Variants in CDK8 observed in about 807,000 individuals in gnomAD.
The protein encoded by CDK8 is cyclin-dependent kinase 8.
CDK8 carries 29 observed loss-of-function variants against 71.5 expected under a neutral mutation model. The observed-to-expected ratio is 0.41, with a 90% CI of 0.30 to 0.55. The LOEUF (loss-of-function observed/expected upper bound fraction) is 0.55. Among genes scored for constraint, CDK8 ranks in the 20% least tolerant of loss-of-function variants. The pLI is 0.37. For missense variants in CDK8, 288 were observed against 572.6 expected (o/e 0.50, Z 5.07); for synonymous variants, 161 against 192.1 (o/e 0.84, Z 1.34).
intron 1 of CDK8, among the ~76,000 whole-genome samples, chr13:26,290,115 C>T (rs1280936214): frequency 6.6e-6 from 1 of 151,982 alleles, no homozygotes; most frequent in East Asian, 1.9e-4. Context: ...TAAACTAGAT[C>T]CAGGAAGTTG....
At position 26,389,916 on chromosome 13, in the gene CDK8, T is replaced by G. The variant is rs551259076; in HGVS notation, c.647-3451T>G. ...AGGAAGCTGAGGCAGGAGAATTGCT[T>G]GAACCTGAGAGGCGGAGGTTGCAGT... On this transcript the variant is annotated intron_variant, in intron 6 of 12. Transcript: ENST00000381527. 4.9e-4 allele frequency among the ~76,000 whole-genome samples: 74 copies of G among 152,238 alleles called. 1 individual carries two copies. The highest frequency in any genetic ancestry group is 1.8e-3 in the African/African-American group (73 of 41,554).
rs1301361228 is a variant in CDK8 at position 26,254,211 on chromosome 13, G to C, written c.-431G>C. 2 of 263,952 alleles carry C rather than the reference G, an allele frequency of 7.6e-6. No homozygotes were observed. Among genetic ancestry groups the C allele is most frequent in the East Asian group, 1.2e-4 (2 of 16,692 alleles). The allele number at this position is 263,952 out of a possible 1,614,324, so 16.4% of individuals were successfully genotyped here. On this transcript the variant is annotated 5_prime_UTR_variant, in exon 1 of 13. Transcript: ENST00000381527. The surrounding 1 kb of genome is among the most constrained non-coding windows in gnomAD (Gnocchi z 6.7). ...AGTGAGTGAGTGAGTGTGAGCGTGT[G>C]TGTGAGAGCGTGAGGCGTGAGTGCG...
Position 26,401,540 on chromosome 13 carries a change from C to A in CDK8, c.1185C>A (p.His395Gln). The change falls in exon 12 of 13, where the codon CAC (histidine) becomes CAA (glutamine). Residue 395 changes from histidine to glutamine, a missense_variant. This residue lies in a region of CDK8 where 76 missense variants were observed against 99.7 expected (regional missense o/e 0.76). Transcript: ENST00000381527. This position sits in a 1 kb window ranked among gnomAD's most constrained non-coding sequence, Gnocchi z 4.5. ...ACCCAGGGAATCAAGACAGCAGTCA[C>A]ACACAGGGACCCCCGTTGAAGAAAG... ...TGHPGNQDSS[H>Q]TQGPPLKKVR... 1 of 1,614,168 alleles carries A rather than the reference C, an allele frequency of 6.2e-7. No homozygotes were observed. The highest frequency in any genetic ancestry group is 8.5e-7 in the Non-Finnish European group (1 of 1,180,034).
At chr13:26,306,185 G>A (rs1874031678) in intron 1 of CDK8, among the ~76,000 whole-genome samples, 1 of 152,084 alleles carries the variant, frequency 6.6e-6, no homozygotes, top group South Asian at 2.1e-4. Context: ...ACTGTTAGAG[G>A]ACTGCTCTTC....
chr13:26,272,903 C>A (rs1463553005), intron 1 of CDK8, among the ~76,000 whole-genome samples: 1 of 152,188 alleles, frequency 6.6e-6, no homozygotes, highest in Non-Finnish European at 1.5e-5. Context: ...TTACATGGTG[C>A]ATGACTGTAT....
intron 2 of CDK8, among the ~76,000 whole-genome samples, chr13:26,338,187 C>T (rs940438409): frequency 2.0e-5 from 3 of 151,986 alleles, no homozygotes; most frequent in African/African-American, 7.2e-5. Context: ...TACATTTAAA[C>T]TGAGTGTTAC....
intron 1 of CDK8, among the ~76,000 whole-genome samples, chr13:26,327,575 TC>T (rs1875074585): frequency 6.6e-6 from 1 of 152,222 alleles, no homozygotes; most frequent in Admixed American, 6.5e-5. Context: ...ATGCCTGTAA[TC>T]CCGGAACTTT....
chr13:26,323,298 TGAGAGAGA>T (rs10523917), intron 1 of CDK8, among the ~76,000 whole-genome samples: 3,088 of 132,192 alleles, frequency 0.023, 141 homozygotes, highest in African/African-American at 0.095. Context: ...TCCTCACATG[TGAGAGAGA>T]GAGAGAGAGA....
intron 4 of CDK8, among the ~76,000 whole-genome samples, chr13:26,374,323 T>C (rs909906855): frequency 6.6e-6 from 1 of 152,202 alleles, no homozygotes; most frequent in African/African-American, 2.4e-5. Context: ...ATTTTCTTGC[T>C]TTAATTAAAT....
chr13:26,302,378 A>G (rs1203275461), intron 1 of CDK8, among the ~76,000 whole-genome samples: 6 of 152,214 alleles, frequency 3.9e-5, no homozygotes, highest in East Asian at 3.8e-4. Flanking sequence ...TGAGTTTCCT[A>G]TATATGAACC....
At chr13:26,277,002 T>C (rs1455915648) in intron 1 of CDK8, among the ~76,000 whole-genome samples, 8 of 152,234 alleles carry the variant, frequency 5.3e-5, no homozygotes, top group African/African-American at 1.9e-4. Context: ...TGCAGAACTG[T>C]TCACAACTGC....
In CDK8 at chr13:26,400,498, G is replaced by C; in HGVS notation, c.979G>C (p.Glu327Gln). 6.2e-7 allele frequency: 1 copy of C among 1,613,576 alleles called. No homozygotes were observed. The highest frequency in any genetic ancestry group is 8.5e-7 in the Non-Finnish European group (1 of 1,179,652). ...TMDPIKRITS[E>Q]QAMQDPYFLE... ...GGACCCAATAAAGCGAATTACCTCA[G>C]AACAGGCTATGCAGGACCCCTATTT... Residue 327 changes from glutamate to glutamine, a missense_variant, in exon 10 of 13, where the codon GAA (glutamate) becomes CAA (glutamine). This residue lies in a region of CDK8 where 96 missense variants were observed against 229.8 expected (regional missense o/e 0.42). Coordinates refer to ENST00000381527, the MANE Select transcript of CDK8 (RefSeq NM_001260.3).
intron 1 of CDK8, among the ~76,000 whole-genome samples, chr13:26,334,673 G>T (rs1157271076): frequency 6.6e-6 from 1 of 152,072 alleles, no homozygotes; most frequent in Non-Finnish European, 1.5e-5. Context: ...TAAAAACAAA[G>T]ATAAAGCAAT....
chr13:26,370,578 C>A (rs939215951), intron 4 of CDK8, among the ~76,000 whole-genome samples: 1 of 152,194 alleles, frequency 6.6e-6, no homozygotes, highest in Non-Finnish European at 1.5e-5. Context: ...AATATTCTAG[C>A]ACCACTGTTA....
intron 2 of CDK8, 53 bp downstream of exon 2, chr13:26,337,695 AC>A: frequency 2.7e-6 from 2 of 735,806 alleles, no homozygotes; most frequent in Non-Finnish European, 2.1e-6. Context: ...ATGAGTACCA[AC>A]TATATAAGGC....
At chr13:26,263,792 C>A (rs932833114) in intron 1 of CDK8, among the ~76,000 whole-genome samples, 1 of 143,948 alleles carries the variant, frequency 6.9e-6, no homozygotes, top group Non-Finnish European at 1.5e-5. Flanking sequence ...TGTCACCCAG[C>A]CTGGAGTGCA....
intron 1 of CDK8, among the ~76,000 whole-genome samples, chr13:26,284,534 T>C (rs537289972): frequency 6.6e-6 from 1 of 152,164 alleles, no homozygotes; most frequent in East Asian, 1.9e-4. Context: ...GATGGATAAA[T>C]TCCTGGAAAT....
At chr13:26,386,965 T>C (rs1369175887) in intron 6 of CDK8, among the ~76,000 whole-genome samples, 2 of 152,222 alleles carry the variant, frequency 1.3e-5, no homozygotes, top group Non-Finnish European at 2.9e-5. Context: ...TGTGGGAAAT[T>C]CTCTTGTGTA....
chr13:26,259,643 G>T (rs1593221705), intron 1 of CDK8, among the ~76,000 whole-genome samples: 2 of 152,094 alleles, frequency 1.3e-5, no homozygotes, highest in Admixed American at 6.5e-5. Flanking sequence ...ATTCAGATCC[G>T]CTATTTAGGC....
Sources: gnomAD v4.1 joint callset for allele counts (sites outside exome capture counted in the v4.1 genomes callset) on GRCh38, gnomAD v4.1.1 for gene constraint, gnomAD v4.1.1 regional missense constraint, Gnocchi (gnomAD v3.1) non-coding constraint, MANE v1.5 for transcripts, NCBI Gene and HGNC (gene_info 2026-07-23, HGNC 2026-07-21) for gene names.